MAST2: variants seen among roughly 807,000 people sequenced by gnomAD.
MAST2 encodes microtubule-associated serine/threonine-protein kinase 2.
In MAST2, 70 loss-of-function variants were observed where a neutral mutation model predicts 147.4. That is an observed-to-expected ratio of 0.47 (90% CI 0.39 to 0.58). The LOEUF is 0.58. MAST2 is among the 20% of genes least tolerant of loss of function. The pLI is 0.00. For missense variants in MAST2, 2,080 were observed against 2,302.3 expected (o/e 0.90, Z 1.98); for synonymous variants, 869 against 896.8 (o/e 0.97, Z 0.55).
At chr1:45,888,586 T>C (rs1647195773) in intron 4 of MAST2, among the ~76,000 whole-genome samples, 1 of 151,036 alleles carries the variant, frequency 6.6e-6, no homozygotes, top group Non-Finnish European at 1.5e-5. Context: ...ATGGTCTCGA[T>C]CTGCTGAACT....
At chr1:45,866,911 G>A (rs1046351286) in intron 3 of MAST2, among the ~76,000 whole-genome samples, 35 of 152,028 alleles carry the variant, frequency 2.3e-4, no homozygotes, top group African/African-American at 8.2e-4. Flanking sequence ...CACCACACCT[G>A]GCTAATTTTT....
At chr1:45,870,949 A>G (rs982832107) in intron 3 of MAST2, among the ~76,000 whole-genome samples, 2 of 151,944 alleles carry the variant, frequency 1.3e-5, no homozygotes. Context: ...AATAACAACA[A>G]CAAAAATTCA....
intron 10 of MAST2, among the ~76,000 whole-genome samples, chr1:46,012,337 G>A (rs929357403): frequency 2.6e-5 from 4 of 152,170 alleles, no homozygotes; most frequent in Non-Finnish European, 5.9e-5. Flanking sequence ...TTGACTGCTT[G>A]TGTGGTTAGG....
At chr1:45,899,742 A>G (rs768180976) in intron 4 of MAST2, among the ~76,000 whole-genome samples, 1 of 152,018 alleles carries the variant, frequency 6.6e-6, no homozygotes, top group African/African-American at 2.4e-5. Flanking sequence ...ATGAATTTGT[A>G]TTGTGAATAG....
At position 46,023,700 on chromosome 1, in the gene MAST2, C is replaced by A; in HGVS notation, c.1572-72C>A. 7.2e-7 allele frequency: 1 copy of A among 1,381,394 alleles called. No homozygotes were observed. The highest frequency in any genetic ancestry group is 1.0e-6 in the Non-Finnish European group (1 of 990,920). The allele number at this position is 1,381,394 out of a possible 1,614,324, so 85.6% of individuals were successfully genotyped here. On this transcript the variant is annotated intron_variant, in intron 14 of 28. Transcript: ENST00000361297. This position sits in a 1 kb window ranked among gnomAD's most constrained non-coding sequence, Gnocchi z 4.9. ...GCATTAATTAAGGTGTGAGAGAAGG[C>A]AGTTTGGGTGGCAGAGAGCACAGCT... is the stretch of plus-strand genomic sequence containing the variant.
chr1:45,880,745 C>T (rs909054407), intron 3 of MAST2, among the ~76,000 whole-genome samples: 2 of 151,834 alleles, frequency 1.3e-5, no homozygotes, highest in African/African-American at 4.8e-5. Flanking sequence ...CTGTGGGAGA[C>T]CAAGGTGGGA....
intron 12 of MAST2, among the ~76,000 whole-genome samples, 157 bp downstream of exon 12, chr1:46,022,239 CAA>C (rs1646218842): frequency 6.6e-6 from 1 of 152,178 alleles, no homozygotes; most frequent in African/African-American, 2.4e-5. Flanking sequence ...ATCTCTGTGA[CAA>C]AACAGTCTTT....
chr1:45,931,571 C>T (rs1197637408), intron 4 of MAST2, among the ~76,000 whole-genome samples: 1 of 151,636 alleles, frequency 6.6e-6, no homozygotes, highest in Non-Finnish European at 1.5e-5. Flanking sequence ...CTCACTGCAA[C>T]CTCCACCTCC....
At chr1:45,835,183 A>G (rs1205413489) in intron 3 of MAST2, among the ~76,000 whole-genome samples, 1 of 152,062 alleles carries the variant, frequency 6.6e-6, no homozygotes, top group Non-Finnish European at 1.5e-5. Context: ...CATACATCCT[A>G]CCAATCTACC....
At chr1:46,003,716 C>T (rs1389884805) in intron 7 of MAST2, among the ~76,000 whole-genome samples, 1 of 152,156 alleles carries the variant, frequency 6.6e-6, no homozygotes, top group Non-Finnish European at 1.5e-5. Flanking sequence ...ATCCATCTGC[C>T]TTGGCTTCCC....
chr1:45,819,995 C>T (rs1031769605), intron 1 of MAST2, among the ~76,000 whole-genome samples: 5 of 152,082 alleles, frequency 3.3e-5, no homozygotes, highest in Admixed American at 1.3e-4. Flanking sequence ...TAAAAACAAA[C>T]AGAGACCAAT....
intron 15 of MAST2, among the ~76,000 whole-genome samples, chr1:46,024,969 T>C (rs573034613): frequency 1.3e-4 from 20 of 152,338 alleles, no homozygotes; most frequent in Admixed American, 5.2e-4. Flanking sequence ...GTGAAAGGCA[T>C]GTCTCACATG....
chr1:46,025,599 A>C (rs1571259823), intron 15 of MAST2, 78 bp from the exon 16 acceptor site: 2 of 1,579,152 alleles, frequency 1.3e-6, no homozygotes, highest in Non-Finnish European at 1.7e-6. Flanking sequence ...CTGGGACCTC[A>C]GAAACTGCCA....
intron 5 of MAST2, among the ~76,000 whole-genome samples, chr1:45,981,366 C>G (rs1168435849): frequency 6.8e-6 from 1 of 147,158 alleles, no homozygotes; most frequent in Non-Finnish European, 1.5e-5. Context: ...GCCACTGTAC[C>G]TGGCTGAGGC....
chr1:45,969,975 C>T (rs1643851216), intron 5 of MAST2, among the ~76,000 whole-genome samples: 1 of 152,152 alleles, frequency 6.6e-6, no homozygotes, highest in Non-Finnish European at 1.5e-5. Flanking sequence ...ATTTCCCCCA[C>T]ACCATAGCTG....
chr1:45,930,778 A>T (rs951204292), intron 4 of MAST2, among the ~76,000 whole-genome samples: 2 of 152,164 alleles, frequency 1.3e-5, no homozygotes, highest in African/African-American at 4.8e-5. Flanking sequence ...ACCAAATGTG[A>T]CCTGTGGGCT....
chr1:45,901,605 C>G (rs867432716), intron 4 of MAST2, among the ~76,000 whole-genome samples: 2 of 152,150 alleles, frequency 1.3e-5, no homozygotes, highest in Non-Finnish European at 2.9e-5. Flanking sequence ...TTGATTCTTC[C>G]TATCCATGAT....
At chr1:45,913,706 A>T in intron 4 of MAST2, 1 of 1,017,940 alleles carries the variant, frequency 9.8e-7, no homozygotes, top group Non-Finnish European at 1.2e-6. Flanking sequence ...AAGTACTTTA[A>T]TTTTTGCCGT....
At chr1:45,966,457 C>T (rs1193505240) in intron 5 of MAST2, among the ~76,000 whole-genome samples, 1 of 151,544 alleles carries the variant, frequency 6.6e-6, no homozygotes, top group South Asian at 2.1e-4. Context: ...TCAAGCTGGG[C>T]GTGGTGGCTC....
Sources: allele counts gnomAD v4.1 joint callset (sites outside exome capture counted in the v4.1 genomes callset), GRCh38; gene constraint gnomAD v4.1.1; non-coding constraint Gnocchi (gnomAD v3.1); transcripts MANE v1.5; gene names NCBI Gene and HGNC (gene_info 2026-07-23, HGNC 2026-07-21).